SLC12A6: variants seen among roughly 807,000 people sequenced by gnomAD.
SLC12A6 encodes the protein solute carrier family 12 member 6.
SLC12A6 carries 66 observed loss-of-function variants against 135.3 expected under a neutral mutation model. The ratio of observed to expected loss-of-function variants is 0.49; its 90% CI spans 0.40 to 0.60. The LOEUF is 0.60. Among genes scored for constraint, SLC12A6 ranks in the 20% least tolerant of loss-of-function variants. The pLI, the probability that SLC12A6 is intolerant of heterozygous loss-of-function variation, is 0.00. For synonymous variants in SLC12A6, 513 were observed against 508.8 expected, an observed-to-expected ratio of 1.01 and a Z score of -0.11; for missense variants, 1,058 against 1,452.3, an observed-to-expected ratio of 0.73 and a Z score of 4.41.
chr15:34,251,083 A>G, intron 10 of SLC12A6, 26 bp from the exon 11 acceptor site: 1 of 1,506,342 alleles, frequency 6.6e-7, no homozygotes, highest in Non-Finnish European at 9.1e-7. Context: ...TGGGAATTTA[A>G]GCAGCAGCAG....
intron 13 of SLC12A6, among the ~76,000 whole-genome samples, chr15:34,246,534 C>A (rs1023198367): frequency 6.6e-6 from 1 of 152,092 alleles, no homozygotes. Context: ...AATAATATTG[C>A]ATCACAATTT....
chr15:34,324,425 TATTA>T (rs992148045), intron 2 of SLC12A6, among the ~76,000 whole-genome samples: 20 of 152,234 alleles, frequency 1.3e-4, no homozygotes, highest in African/African-American at 4.6e-4. Context: ...GTATTTATGT[TATTA>T]ATTAGTTTCA....
intron 22 of SLC12A6, 116 bp downstream of exon 22, chr15:34,237,303 T>A: frequency 6.3e-6 from 5 of 796,534 alleles, no homozygotes; most frequent in Non-Finnish European, 1.0e-5. Flanking sequence ...TTTTTGGCAC[T>A]AGGGGATTAA....
At chr15:34,265,257 T>A (rs1425306601) in intron 3 of SLC12A6, among the ~76,000 whole-genome samples, 1 of 152,142 alleles carries the variant, frequency 6.6e-6, no homozygotes, top group Non-Finnish European at 1.5e-5. Flanking sequence ...ATTCAACTAA[T>A]ATTTATTAAA....
chr15:34,261,403 TCTC>T (rs1157496072), intron 3 of SLC12A6, among the ~76,000 whole-genome samples: 1 of 152,180 alleles, frequency 6.6e-6, no homozygotes, highest in African/African-American at 2.4e-5. Context: ...TTCAAGCGAT[TCTC>T]CTGTCTCAGC....
intron 24 of SLC12A6, 69 bp from the exon 25 acceptor site, chr15:34,235,383 T>G: frequency 7.4e-7 from 1 of 1,351,050 alleles, no homozygotes; most frequent in Non-Finnish European, 1.1e-6. Flanking sequence ...CGTTAAAAAC[T>G]TGAGATCCTG....
intron 9 of SLC12A6, among the ~76,000 whole-genome samples, chr15:34,254,001 G>A (rs186015603): frequency 2.0e-5 from 3 of 152,266 alleles, no homozygotes; most frequent in African/African-American, 4.8e-5. Flanking sequence ...CCTTATAAAG[G>A]TTGCTGGCAA....
intron 2 of SLC12A6, among the ~76,000 whole-genome samples, chr15:34,302,624 G>A (rs1371937429): frequency 1.3e-5 from 2 of 152,182 alleles, no homozygotes; most frequent in African/African-American, 4.8e-5. Flanking sequence ...GAACCCAGGA[G>A]GCGGAGGTTG....
chr15:34,239,025 T>A lies in SLC12A6; in HGVS notation c.2572A>T (p.Met858Leu). Residue 858 changes from methionine (M) to leucine (L), a missense_variant, in exon 20 of 26, where the codon ATG (methionine) becomes TTG (leucine). Met to Leu is a conservative substitution (Grantham distance 15). Coordinates refer to ENST00000354181, the MANE Select transcript of SLC12A6 (RefSeq NM_001365088.1). ...TGACGCCAGCCATTAGGCCAGCCCA[T>A]CACCACCGTGTTGTGCTTCATGCCC... ...LGGMKHNTVV[M>L]GWPNGWRQSE... 6.2e-7 allele frequency: 1 copy of A among 1,614,170 alleles called. No homozygotes were observed. Among genetic ancestry groups the A allele is most frequent in the Admixed American group, 1.7e-5 (1 of 60,020 alleles).
Position 34,236,829 on chromosome 15 carries a change from CACATA to C in SLC12A6, c.2935-19_2935-15del. On this transcript the variant is annotated splice_polypyrimidine_tract_variant and intron_variant, in intron 22 of 25. Coordinates refer to ENST00000354181, the MANE Select transcript of SLC12A6 (RefSeq NM_001365088.1). ...ATCACTGTCATGCTGCCATAGACAT[CACATA>C]AAAGGGGCAAAAAGCACAAAGGAGA... 2 of 1,484,014 alleles carry C rather than the reference CACATA, an allele frequency of 1.3e-6. No homozygotes were observed. The highest frequency in any genetic ancestry group is 1.9e-6 in the Non-Finnish European group (2 of 1,061,026). The allele number at this position is 1,484,014 out of a possible 1,614,324, so 91.9% of individuals were successfully genotyped here.
At chr15:34,269,355 A>G (rs999005353) in intron 3 of SLC12A6, among the ~76,000 whole-genome samples, 3 of 152,088 alleles carry the variant, frequency 2.0e-5, no homozygotes, top group Non-Finnish European at 4.4e-5. Flanking sequence ...CTCTTTATAT[A>G]AACACTTTAC....
At chr15:34,304,586 G>A (rs1224064552) in intron 2 of SLC12A6, among the ~76,000 whole-genome samples, 1 of 152,166 alleles carries the variant, frequency 6.6e-6, no homozygotes. Context: ...CCCAGTGAGT[G>A]TGAAAAAACT....
intron 2 of SLC12A6, among the ~76,000 whole-genome samples, chr15:34,320,336 T>G (rs534740799): frequency 6.6e-6 from 1 of 152,330 alleles, no homozygotes; most frequent in African/African-American, 2.4e-5. Flanking sequence ...TCATGTCATT[T>G]GCGGCAACAC....
At position 34,337,670 on chromosome 15, in the gene SLC12A6, G is replaced by C. The variant is rs1348253566; in HGVS notation, c.-411C>G. 1 of 152,038 alleles carries C rather than the reference G, an allele frequency of 6.6e-6. No individual in the cohort carries two copies. The highest frequency in any genetic ancestry group is 1.5e-5 in the Non-Finnish European group (1 of 68,090). 9.4% of individuals were successfully genotyped at this position (152,038 alleles called of 1,614,324 possible). A position where few individuals can be genotyped will look rare whatever the true frequency, so the allele number is the denominator to read the frequency against. On this transcript the variant is annotated 5_prime_UTR_variant, in exon 1 of 26. Transcript: ENST00000354181. The stretch of plus-strand genomic sequence containing the variant: ...TCCCAGTAGAGGAGGAGACGGCCAC[G>C]CAGGCTGGCCTGACTGGGCAGCAGG...
In SLC12A6 at chr15:34,298,475, A is replaced by AAAATAAAT. The variant is rs147699591; in HGVS notation, c.272-23094_272-23087dup. Among the ~76,000 whole-genome samples, 204 of 148,898 alleles carry AAAATAAAT rather than the reference A, an allele frequency of 1.4e-3. 3 individuals are homozygous for AAAATAAAT. Among genetic ancestry groups the AAAATAAAT allele is most frequent in the South Asian group, 6.2e-3 (29 of 4,670 alleles). ...AGGCGACAGAGTGAGACTCTGTCTCAAAATAAATAAATAAATAAATAAATA... is the reference window on the plus strand; with the variant it reads ...AGGCGACAGAGTGAGACTCTGTCTCAAAATAAATAAATAAATAAATAAATAAATAAATA... On this transcript the variant is annotated intron_variant, in intron 2 of 25. Transcript: ENST00000354181.
chr15:34,241,179 CA>C (rs1891617047), intron 18 of SLC12A6, 53 bp downstream of exon 18: 3 of 934,860 alleles, frequency 3.2e-6, no homozygotes, highest in Non-Finnish European at 5.3e-6. Flanking sequence ...CAACAAAACA[CA>C]TATTTTTGTG....
intron 2 of SLC12A6, among the ~76,000 whole-genome samples, chr15:34,302,304 C>T (rs76365389): frequency 0.043 from 6,570 of 152,022 alleles, 232 homozygotes; most frequent in Middle Eastern, 0.082. Flanking sequence ...TGTACCTACA[C>T]AGTTAAAAAA....
At chr15:34,318,692 T>C (rs773862027) in intron 2 of SLC12A6, 3 of 1,613,532 alleles carry the variant, frequency 1.9e-6, no homozygotes, top group South Asian at 2.2e-5. Context: ...TATAGTTAGA[T>C]AATACTTTGC....
At chr15:34,318,570 C>A in intron 2 of SLC12A6, 1 of 1,613,844 alleles carries the variant, frequency 6.2e-7, no homozygotes, top group Non-Finnish European at 8.5e-7. Context: ...CCTGGTTCAT[C>A]TGAATCCTGA....
Sources: allele counts gnomAD v4.1 joint callset (sites outside exome capture counted in the v4.1 genomes callset), GRCh38; gene constraint gnomAD v4.1.1; transcripts MANE v1.5; gene names NCBI Gene and HGNC (gene_info 2026-07-23, HGNC 2026-07-21).